The following CD2AP variants were observed in gnomAD, a reference collection of about 807,000 sequenced individuals.
CD2AP encodes CD2-associated protein.
In CD2AP, 46 loss-of-function variants were observed where a neutral mutation model predicts 85.1. That is an observed-to-expected ratio of 0.54 (90% CI 0.43 to 0.69). The LOEUF (loss-of-function observed/expected upper bound fraction) is 0.69. CD2AP is among the 30% of genes least tolerant of loss of function. The probability of loss-of-function intolerance (pLI) is 0.00; values close to 1 mark genes in which losing one functional copy is unlikely to be tolerated. For missense variants in CD2AP, 769 were observed against 729.5 expected, an observed-to-expected ratio of 1.05 and a Z score of -0.62; for synonymous variants, 255 against 252.9, an observed-to-expected ratio of 1.01 and a Z score of -0.08.
chr6:47,500,914 A>G (rs1447873610), intron 1 of CD2AP, among the ~76,000 whole-genome samples: 1 of 151,930 alleles, frequency 6.6e-6, no homozygotes, highest in Non-Finnish European at 1.5e-5. Flanking sequence ...CGCCTGGCTA[A>G]TTTTTTATAT....
chr6:47,625,061 A>G lies in CD2AP; in HGVS notation c.*834A>G, dbSNP rs1371638585. 6.6e-6 allele frequency: 1 copy of G among 151,970 alleles called. No individual in the cohort carries two copies. The highest frequency in any genetic ancestry group is 2.4e-5 in the African/African-American group (1 of 41,454). The allele number at this position is 151,970 out of a possible 1,614,324, so 9.4% of individuals were successfully genotyped here. On this transcript the variant is annotated 3_prime_UTR_variant, in exon 18 of 18. Transcript: ENST00000359314. The stretch of plus-strand genomic sequence containing the variant: ...TTAATTTAACCCTTAACTTGTGCCT[A>G]GAAACTACAGCACATATAAAATATG...
At chr6:47,584,033 T>C (rs1768554450) in intron 11 of CD2AP, among the ~76,000 whole-genome samples, 1 of 152,366 alleles carries the variant, frequency 6.6e-6, no homozygotes, top group Admixed American at 6.5e-5. Flanking sequence ...TATCTTCTCA[T>C]ATGCTTAATT....
chr6:47,550,793 G>A (rs9395276), intron 4 of CD2AP, among the ~76,000 whole-genome samples: 146,725 of 152,332 alleles, frequency 0.96, 70,890 homozygotes, highest in East Asian at 1. Flanking sequence ...ATGCCCATCA[G>A]TCAATGAGTG....
chr6:47,558,776 A>C (rs1422194606), intron 5 of CD2AP, among the ~76,000 whole-genome samples: 1 of 152,110 alleles, frequency 6.6e-6, no homozygotes, highest in Non-Finnish European at 1.5e-5. Flanking sequence ...TATTGGCCTG[A>C]AATTTTCTTT....
chr6:47,503,324 G>A lies in CD2AP; in HGVS notation c.49G>A (p.Glu17Lys). 6.2e-7 allele frequency: 1 copy of A among 1,613,700 alleles called. No individual in the cohort carries two copies. ...TGACTATGATGCTGTACATGATGAT[G>A]AATTAACTATTCGAGTTGGAGAAAT... ...EYDYDAVHDD[E>K]LTIRVGEIIR... Residue 17 changes from glutamate to lysine, a missense_variant, in exon 2 of 18, where the codon GAA (glutamate) becomes AAA (lysine). By Grantham distance (56) the Glu-to-Lys change is moderately conservative (BLOSUM62 1). Transcript: ENST00000359314.
chr6:47,517,361 C>T (rs1273729572), intron 2 of CD2AP, among the ~76,000 whole-genome samples: 2 of 151,572 alleles, frequency 1.3e-5, no homozygotes, highest in African/African-American at 4.9e-5. Flanking sequence ...GATCACAGCT[C>T]GCTGCAGCCT....
chr6:47,497,359 T>C (rs13219753), intron 1 of CD2AP, among the ~76,000 whole-genome samples: 3 of 139,300 alleles, frequency 2.2e-5, no homozygotes, highest in Admixed American at 1.4e-4. Context: ...CCCCTTCCCC[T>C]TCCCCTTCCC....
At chr6:47,481,938 T>G (rs1765456298) in intron 1 of CD2AP, among the ~76,000 whole-genome samples, 1 of 152,078 alleles carries the variant, frequency 6.6e-6, no homozygotes, top group African/African-American at 2.4e-5. Context: ...TTTAAAATTT[T>G]TTTGTAGATA....
intron 1 of CD2AP, among the ~76,000 whole-genome samples, chr6:47,484,823 A>G (rs181702977): frequency 6.6e-6 from 1 of 152,298 alleles, no homozygotes; most frequent in East Asian, 1.9e-4. Flanking sequence ...AGATAATTCC[A>G]AGGGAGTGAC....
intron 1 of CD2AP, among the ~76,000 whole-genome samples, chr6:47,486,489 A>G (rs1765568926): frequency 6.6e-6 from 1 of 152,222 alleles, no homozygotes; most frequent in Non-Finnish European, 1.5e-5. Context: ...AGCATATGGA[A>G]TATTAGAATA....
At chr6:47,618,314 T>C (rs1769652888) in intron 17 of CD2AP, among the ~76,000 whole-genome samples, 1 of 151,696 alleles carries the variant, frequency 6.6e-6, no homozygotes, top group Non-Finnish European at 1.5e-5. Flanking sequence ...AACGAGACTG[T>C]CTCAAAAAAA....
chr6:47,548,732 C>T (rs1767435379), intron 4 of CD2AP, among the ~76,000 whole-genome samples: 1 of 152,006 alleles, frequency 6.6e-6, no homozygotes, highest in Middle Eastern at 3.2e-3. Context: ...ATACCAAGAC[C>T]AGGAAAGGAC....
At chr6:47,610,298 T>A (rs752536188) in intron 16 of CD2AP, among the ~76,000 whole-genome samples, 2 of 152,132 alleles carry the variant, frequency 1.3e-5, no homozygotes, top group Non-Finnish European at 2.9e-5. Context: ...GCCCAGTAGG[T>A]AAAATATATT....
chr6:47,576,462 T>A lies in CD2AP; in HGVS notation c.730-62T>A, dbSNP rs1044896024. ...GCTGGGTAACTGTAAATGGAAACTT[T>A]GTTTAACAGTATTATCTTTATTCTA... On this transcript the variant is annotated intron_variant, in intron 6 of 17. Transcript: ENST00000359314. 2.7e-6 allele frequency: 3 copies of A among 1,109,578 alleles called. No individual in the cohort carries two copies. In the African/African-American group the frequency reaches 4.6e-5, roughly 17 times the overall value. The allele number at this position is 1,109,578 out of a possible 1,614,324, so 68.7% of individuals were successfully genotyped here.
intron 4 of CD2AP, among the ~76,000 whole-genome samples, chr6:47,550,270 C>A (rs529335243): frequency 6.6e-6 from 1 of 152,174 alleles, no homozygotes; most frequent in South Asian, 2.1e-4. Flanking sequence ...AGTAAACAGA[C>A]CACAGAGTGG....
intron 11 of CD2AP, 72 bp downstream of exon 11, chr6:47,582,137 C>A: frequency 1.0e-6 from 1 of 965,876 alleles, no homozygotes; most frequent in Non-Finnish European, 1.7e-6. Context: ...ATTATTTCTC[C>A]ACACTGAGTT....
chr6:47,551,494 G>GT (rs1405576483), intron 4 of CD2AP, among the ~76,000 whole-genome samples: 5 of 152,156 alleles, frequency 3.3e-5, no homozygotes, highest in Non-Finnish European at 7.4e-5. Context: ...TGTGCTGAGA[G>GT]TTTCACATTT....
At chr6:47,533,800 G>A (rs1766955719) in intron 3 of CD2AP, 45 bp downstream of exon 3, 2 of 1,583,330 alleles carry the variant, frequency 1.3e-6, no homozygotes, top group Non-Finnish European at 1.7e-6. Context: ...CAAAATAGAA[G>A]GATATTTTAT....
chr6:47,572,060 A>C (rs1380530736), intron 5 of CD2AP, among the ~76,000 whole-genome samples: 1 of 152,178 alleles, frequency 6.6e-6, no homozygotes, highest in Admixed American at 6.5e-5. Context: ...TCTGCTAACT[A>C]GATGTCAGTA....
Sources: allele counts gnomAD v4.1 joint callset (sites outside exome capture counted in the v4.1 genomes callset), GRCh38; gene constraint gnomAD v4.1.1; transcripts MANE v1.5; gene names NCBI Gene and HGNC (gene_info 2026-07-23, HGNC 2026-07-21).